Variants in LAMC1 observed in about 807,000 individuals in gnomAD.
LAMC1 encodes the protein laminin subunit gamma 1, also known as laminin subunit gamma-1.
In LAMC1, 38 loss-of-function variants were observed where a neutral mutation model predicts 173.6. That is an observed-to-expected ratio of 0.22 (90% CI 0.17 to 0.29). The LOEUF is 0.29. LAMC1 is among the 10% of genes least tolerant of loss of function. The pLI, the probability that LAMC1 is intolerant of heterozygous loss-of-function variation, is 1.00. For synonymous variants in LAMC1, 746 were observed against 749.1 expected, an observed-to-expected ratio of 1.00 and a Z score of 0.07; for missense variants, 1,824 against 2,051.8, an observed-to-expected ratio of 0.89 and a Z score of 2.14.
chr1:183,035,751 G>A (rs1653964067), intron 1 of LAMC1, among the ~76,000 whole-genome samples: 1 of 152,118 alleles, frequency 6.6e-6, no homozygotes, highest in African/African-American at 2.4e-5. Flanking sequence ...CTTCTCTGGT[G>A]TGTGACTGTT....
intron 1 of LAMC1, among the ~76,000 whole-genome samples, chr1:183,080,336 CATCATTGATTATCTACATCCAGATAGCTG>C (rs1234291706): frequency 6.6e-6 from 1 of 152,206 alleles, no homozygotes; most frequent in East Asian, 1.9e-4. Flanking sequence ...CTGTGTCCTT[CATCATTGATTATCTACATCCAGATAGCTG>C]ATCACTGATG....
At chr1:183,045,237 C>T (rs1654237685) in intron 1 of LAMC1, among the ~76,000 whole-genome samples, 1 of 151,660 alleles carries the variant, frequency 6.6e-6, no homozygotes, top group Middle Eastern at 3.2e-3. Context: ...TTTATGCAGC[C>T]AAGTATTCTG....
intron 1 of LAMC1, among the ~76,000 whole-genome samples, chr1:183,054,456 C>T (rs1218663186): frequency 6.6e-6 from 1 of 152,184 alleles, no homozygotes; most frequent in Non-Finnish European, 1.5e-5. Context: ...ACTGGTATCA[C>T]TTGTTACTCT....
intron 1 of LAMC1, among the ~76,000 whole-genome samples, chr1:183,082,572 A>T (rs946243630): frequency 6.6e-6 from 1 of 152,176 alleles, no homozygotes; most frequent in African/African-American, 2.4e-5. Flanking sequence ...GGGCTTCCCA[A>T]TGTTTTCCCA....
At chr1:183,064,330 G>A (rs780790182) in intron 1 of LAMC1, among the ~76,000 whole-genome samples, 2 of 152,116 alleles carry the variant, frequency 1.3e-5, no homozygotes, top group Non-Finnish European at 2.9e-5. Context: ...TAGGCCATAC[G>A]GGATGGCCTA....
chr1:183,061,310 T>C (rs750516890), intron 1 of LAMC1, among the ~76,000 whole-genome samples: 8 of 152,158 alleles, frequency 5.3e-5, no homozygotes, highest in Non-Finnish European at 1.2e-4. Context: ...CTACTCTGAT[T>C]TGTCAGAGGA....
At position 183,144,205 on chromosome 1, in the gene LAMC1, T is replaced by G. The variant is rs926169534; in HGVS notation, c.*1415T>G. On this transcript the variant is annotated 3_prime_UTR_variant, in exon 28 of 28. Transcript: ENST00000258341. Reference sequence around the variant, plus strand: ...TTTAACACTATGCAACTTTGTACTTTGCGTAGCAGGGGCGGGGTGGGGGGA... The same window carrying G: ...TTTAACACTATGCAACTTTGTACTTGGCGTAGCAGGGGCGGGGTGGGGGGA... 2.0e-5 allele frequency: 3 copies of G among 152,616 alleles called. No homozygotes were observed. The highest frequency in any genetic ancestry group is 7.2e-5 in the African/African-American group (3 of 41,450). The allele number at this position is 152,616 out of a possible 1,614,324, so 9.5% of individuals were successfully genotyped here.
chr1:183,126,958 A>G (rs1177053734), intron 16 of LAMC1, among the ~76,000 whole-genome samples: 2 of 152,242 alleles, frequency 1.3e-5, no homozygotes, highest in African/African-American at 4.8e-5. Flanking sequence ...GAGCACTGAT[A>G]GTTTCATAAC....
chr1:183,133,273 A>T, intron 21 of LAMC1, 133 bp from the exon 22 acceptor site: 1 of 764,338 alleles, frequency 1.3e-6, no homozygotes, highest in Non-Finnish European at 2.1e-6. Context: ...GTTGGTATTA[A>T]AATGCAAGCA....
intron 1 of LAMC1, among the ~76,000 whole-genome samples, chr1:183,034,947 G>A (rs548157584): frequency 2.0e-5 from 3 of 152,144 alleles, no homozygotes; most frequent in African/African-American, 2.4e-5. Context: ...CTGAGGTTGC[G>A]TAGGTTGAAA....
rs774081118 is a variant in LAMC1 at position 183,133,594 on chromosome 1, C to G, written c.3849+44C>G. On this transcript the variant is annotated intron_variant, in intron 22 of 27. Coordinates refer to ENST00000258341, the MANE Select transcript of LAMC1 (RefSeq NM_002293.4). The stretch of plus-strand genomic sequence containing the variant: ...CGCACAGCCCCACCCCGTCTCTCCC[C>G]CAAGTCTATGTGAGAGCCGACTGCT... 1.1e-5 allele frequency: 17 copies of G among 1,554,562 alleles called. No homozygotes were observed. The South Asian group carries it at 2.1e-4, about 19-fold the overall frequency.
At position 183,043,106 on chromosome 1, in the gene LAMC1, G is replaced by A. The variant is rs147226888; in HGVS notation, c.418+18972G>A. Among the ~76,000 whole-genome samples the A allele has an allele frequency of 4.3e-3, 661 of 152,026 alleles. 6 individuals carry two copies. The highest frequency in any genetic ancestry group is 0.015 in the African/African-American group (632 of 41,468). ...GTATATTTATCTTTTTCTTCATTGC[G>A]AGTTCATTGAAGGCAGCTGTGAATC... On this transcript the variant is annotated intron_variant, in intron 1 of 27. Transcript: ENST00000258341.
chr1:183,045,610 G>T (rs1654247580), intron 1 of LAMC1, among the ~76,000 whole-genome samples: 1 of 151,964 alleles, frequency 6.6e-6, no homozygotes. Flanking sequence ...TGTTGTTGTT[G>T]TTTTACGAAT....
chr1:183,136,367 G>T lies in LAMC1; in HGVS notation c.4115-19G>T, dbSNP rs78668666. On this transcript the variant is annotated intron_variant, in intron 24 of 27. Coordinates refer to ENST00000258341, the MANE Select transcript of LAMC1 (RefSeq NM_002293.4). ...CTTGTTGGGAGTTTAGCTCAAATGT[G>T]TCCTTGAACTTGTTTCAGATTTTGA... The T allele has an allele frequency of 3.7e-6, 6 of 1,611,214 alleles. No individual in the cohort carries two copies. In the African/African-American group the frequency reaches 6.7e-5, roughly 18 times the overall value.
intron 23 of LAMC1, 22 bp downstream of exon 23, chr1:183,134,831 C>T: frequency 1.9e-6 from 3 of 1,607,544 alleles, no homozygotes; most frequent in Non-Finnish European, 2.5e-6. Flanking sequence ...TTGCAGGTCG[C>T]TTCATTTCTT....
rs745375681 is a variant in LAMC1, at chr1:183,103,379, C to T, written c.470C>T (p.Pro157Leu). 7 of 1,614,030 alleles carry T rather than the reference C, an allele frequency of 4.3e-6. No individual in the cohort carries two copies. Among genetic ancestry groups the T allele is most frequent in the Non-Finnish European group, 5.9e-6 (7 of 1,180,040 alleles). ...YVRLKFHTSR[P>L]ESFAIYKRTR... Reference sequence around the variant, plus strand: ...CGTCTCAAGTTCCACACCAGCCGCCCGGAGAGCTTTGCCATTTACAAGCGC... The same window carrying T: ...CGTCTCAAGTTCCACACCAGCCGCCTGGAGAGCTTTGCCATTTACAAGCGC... The change falls in exon 2 of 28, where the codon CCG (proline) becomes CTG (leucine). Residue 157 changes from proline (P) to leucine (L), a missense_variant. Coordinates refer to ENST00000258341, the MANE Select transcript of LAMC1 (RefSeq NM_002293.4).
chr1:183,125,615 A>G (rs778575807), intron 15 of LAMC1, 65 bp downstream of exon 15: 54 of 1,256,606 alleles, frequency 4.3e-5, no homozygotes, highest in Non-Finnish European at 5.2e-5. Context: ...ATGAATTTTT[A>G]TAAGTACATT....
chr1:183,090,115 G>C (rs1655527951), intron 1 of LAMC1, among the ~76,000 whole-genome samples: 1 of 152,076 alleles, frequency 6.6e-6, no homozygotes, highest in Non-Finnish European at 1.5e-5. Context: ...CAATTCCTCT[G>C]CTCAGCTCAT....
chr1:183,051,697 C>T (rs1358614907), intron 1 of LAMC1, among the ~76,000 whole-genome samples: 1 of 152,290 alleles, frequency 6.6e-6, no homozygotes, highest in Non-Finnish European at 1.5e-5. Context: ...CTTAGAAGAA[C>T]CTGTAGACAC....
Sources: allele counts gnomAD v4.1 joint callset (sites outside exome capture counted in the v4.1 genomes callset), GRCh38; gene constraint gnomAD v4.1.1; transcripts MANE v1.5; gene names NCBI Gene and HGNC (gene_info 2026-07-23, HGNC 2026-07-21).